Variants in GTF2A2 observed in about 807,000 individuals in gnomAD.
The protein encoded by GTF2A2 is transcription initiation factor IIA subunit 2.
A neutral mutation model predicts 14.3 loss-of-function variants in GTF2A2; 9 were observed. The observed-to-expected ratio is 0.63, with a 90% CI of 0.38 to 1.10. The LOEUF is 1.10. GTF2A2 is among the 50% of genes least tolerant of loss of function. The pLI is 0.01. For synonymous variants in GTF2A2, 56 were observed against 46.0 expected (o/e 1.22, Z -0.88); for missense variants, 90 against 124.6 (o/e 0.72, Z 1.32).
At chr15:59,648,418 AAG>A (rs1891680998) in intron 3 of GTF2A2, among the ~76,000 whole-genome samples, 1 of 150,368 alleles carries the variant, frequency 6.7e-6, no homozygotes, top group Admixed American at 6.6e-5. Context: ...AAAAAAAAAA[AAG>A]AATAAATAAA....
intron 4 of GTF2A2, among the ~76,000 whole-genome samples, chr15:59,641,724 T>G (rs530968366): frequency 6.6e-6 from 1 of 152,204 alleles, no homozygotes; most frequent in Non-Finnish European, 1.5e-5. Flanking sequence ...GACTCCAAAG[T>G]TCTTATGGCT....
rs1032181124 is a variant in GTF2A2 at position 59,651,876 on chromosome 15, G to A, written c.72+330C>T. On this transcript the variant is annotated intron_variant, in intron 2 of 4. Coordinates refer to ENST00000396060, the MANE Select transcript of GTF2A2 (RefSeq NM_004492.3). The stretch of plus-strand genomic sequence containing the variant: ...ATTTTTTTATTTTTTGTGGAGATGG[G>A]TGGTGCTATGTTGCTTAAGCTGGTC... 3.2e-5 allele frequency: 6 copies of A among 187,880 alleles called. No homozygotes were observed. In the East Asian group the frequency reaches 4.5e-4, roughly 14 times the overall value. 11.6% of individuals were successfully genotyped at this position (187,880 alleles called of 1,614,324 possible).
chr15:59,645,342 G>A (rs1366694203), intron 3 of GTF2A2, among the ~76,000 whole-genome samples: 1 of 152,166 alleles, frequency 6.6e-6, no homozygotes. Context: ...GACGCACGCT[G>A]TAACCCTAAG....
At chr15:59,649,129 C>T (rs1375457950) in intron 3 of GTF2A2, among the ~76,000 whole-genome samples, 1 of 152,168 alleles carries the variant, frequency 6.6e-6, no homozygotes, top group South Asian at 2.1e-4. Flanking sequence ...TTTGTCTTGG[C>T]CATATGCTAC....
At chr15:59,651,144 T>C (rs1384368267) in intron 2 of GTF2A2, 4 of 155,986 alleles carry the variant, frequency 2.6e-5, no homozygotes, top group African/African-American at 9.7e-5. Context: ...TCATAAAATA[T>C]ACCAACAAAT....
At chr15:59,657,058 T>G (rs1254121531) in intron 1 of GTF2A2, 1 of 152,158 alleles carries the variant, frequency 6.6e-6, no homozygotes, top group African/African-American at 2.4e-5. Flanking sequence ...AATGAGACAT[T>G]TAAAAAATGC....
chr15:59,639,232 CTA>C (rs1491192389), intron 4 of GTF2A2, 75 bp from the exon 5 acceptor site: 17 of 866,054 alleles, frequency 2.0e-5, no homozygotes, highest in Non-Finnish European at 3.4e-5. Flanking sequence ...TATTTTAAGA[CTA>C]TCAAAAATGA....
At position 59,657,171 on chromosome 15, in the gene GTF2A2, C is replaced by G. The variant is rs1017391293; in HGVS notation, c.-50+235G>C. 5 of 152,386 alleles carry G rather than the reference C, an allele frequency of 3.3e-5. No homozygotes were observed. In the East Asian group the frequency reaches 5.8e-4, roughly 18 times the overall value. The allele number at this position is 152,386 out of a possible 1,614,324, so 9.4% of individuals were successfully genotyped here. Reference sequence around the variant, plus strand: ...GCTGAAGACCTCCCCTAGGTGGGTTCTGTGGGCGCCCCGTGAACGACGAGC... The same window carrying G: ...GCTGAAGACCTCCCCTAGGTGGGTTGTGTGGGCGCCCCGTGAACGACGAGC... On this transcript the variant is annotated intron_variant, in intron 1 of 4. Coordinates refer to ENST00000396060, the MANE Select transcript of GTF2A2 (RefSeq NM_004492.3).
At chr15:59,644,734 A>G (rs1891546694) in intron 3 of GTF2A2, among the ~76,000 whole-genome samples, 1 of 152,160 alleles carries the variant, frequency 6.6e-6, no homozygotes, top group Non-Finnish European at 1.5e-5. Flanking sequence ...AATGGAGAGG[A>G]GGGATAATGG....
At chr15:59,639,332 G>C (rs1326648017) in intron 4 of GTF2A2, among the ~76,000 whole-genome samples, 175 bp from the exon 5 acceptor site, 2 of 151,954 alleles carry the variant, frequency 1.3e-5, no homozygotes, top group African/African-American at 2.4e-5. Context: ...ACTTCAGTAA[G>C]TTTCCTTTTA....
At chr15:59,648,540 CAT>C (rs1353001657) in intron 3 of GTF2A2, among the ~76,000 whole-genome samples, 10 of 151,268 alleles carry the variant, frequency 6.6e-5, no homozygotes, top group East Asian at 5.8e-4. Context: ...TAAATTAAAA[CAT>C]ATAAATGATT....
intron 3 of GTF2A2, 28 bp downstream of exon 3, chr15:59,650,641 G>T: frequency 8.1e-7 from 1 of 1,235,144 alleles, no homozygotes; most frequent in Non-Finnish European, 1.2e-6. Context: ...ATTGGTACAG[G>T]CTTCTAGATT....
chr15:59,639,641 T>TTAG (rs371081874), intron 4 of GTF2A2, among the ~76,000 whole-genome samples: 10,221 of 151,802 alleles, frequency 0.067, 588 homozygotes, highest in East Asian at 0.25. Flanking sequence ...TTTTTGTACT[T>TTAG]TAGAGACGGG....
Position 59,652,227 on chromosome 15 carries a change from C to T in GTF2A2, c.51G>A (p.Glu17=). The change falls in exon 2 of 5, where the codon GAG becomes GAA. Residue 17 remains glutamate (E), a synonymous_variant. Coordinates refer to ENST00000396060, the MANE Select transcript of GTF2A2 (RefSeq NM_004492.3). ...RNTTLGNSLQ[E]SLDELIQSQQ... is the part of the protein sequence containing the mutation. ...CCACCTGTATGAGCTCATCTAGGCT[C>T]TCCTGAAGACTGTTTCCCAAAGTAG... is the stretch of plus-strand genomic sequence containing the variant. The T allele has an allele frequency of 6.3e-7, 1 of 1,595,756 alleles. No homozygotes were observed. The highest frequency in any genetic ancestry group is 8.6e-7 in the Non-Finnish European group (1 of 1,164,360).
In GTF2A2 at chr15:59,639,082, A is replaced by G; in HGVS notation, c.*50T>C. ...AAAAGTCTCTTCTATGCTTCTCTTCAAAAGCAATGAATAACAGAAGATGGT... is the reference window on the plus strand; with the variant it reads ...AAAAGTCTCTTCTATGCTTCTCTTCGAAAGCAATGAATAACAGAAGATGGT... On this transcript the variant is annotated 3_prime_UTR_variant, in exon 5 of 5. Transcript: ENST00000396060. 9.3e-7 allele frequency: 1 copy of G among 1,073,526 alleles called. No individual in the cohort carries two copies. The highest frequency in any genetic ancestry group is 1.4e-6 in the Non-Finnish European group (1 of 690,496). The allele number at this position is 1,073,526 out of a possible 1,614,324, so 66.5% of individuals were successfully genotyped here.
intron 4 of GTF2A2, among the ~76,000 whole-genome samples, chr15:59,640,942 G>C (rs1287545377): frequency 6.6e-6 from 1 of 151,674 alleles, no homozygotes. Flanking sequence ...ATTATTCCTA[G>C]GTAACCTTCT....
rs1891453604 is a variant in GTF2A2 at position 59,642,232 on chromosome 15, T to G, written c.208A>C (p.Asn70His). 1 of 1,610,972 alleles carries G rather than the reference T, an allele frequency of 6.2e-7. No individual in the cohort carries two copies. The highest frequency in any genetic ancestry group is 8.5e-7 in the Non-Finnish European group (1 of 1,178,526). The stretch of plus-strand genomic sequence containing the variant: ...TCATTCAGTACAAAAGTCCACACAT[T>G]ATCGCAGAATCTGTACGTATTTAGA... ...GSLNTYRFCDNVWTFVLNDVE... is the reference protein window; with the variant it reads ...GSLNTYRFCDHVWTFVLNDVE... The change falls in exon 4 of 5, where the codon AAT (asparagine) becomes CAT (histidine). Residue 70 changes from asparagine to histidine, a missense_variant. Transcript: ENST00000396060.
intron 4 of GTF2A2, among the ~76,000 whole-genome samples, chr15:59,640,799 T>C (rs1891391753): frequency 6.6e-6 from 1 of 152,180 alleles, no homozygotes; most frequent in African/African-American, 2.4e-5. Context: ...AGAAATGTTA[T>C]CTTGTGATTC....
intron 1 of GTF2A2, among the ~76,000 whole-genome samples, chr15:59,655,474 G>A (rs542513045): frequency 4.6e-5 from 7 of 152,126 alleles, no homozygotes; most frequent in African/African-American, 1.2e-4. Flanking sequence ...CTCCTCTTTC[G>A]TACAGGATCT....
Sources: allele counts gnomAD v4.1 joint callset (sites outside exome capture counted in the v4.1 genomes callset), GRCh38; gene constraint gnomAD v4.1.1; transcripts MANE v1.5; gene names NCBI Gene and HGNC (gene_info 2026-07-23, HGNC 2026-07-21).